The following MYL7 variants were observed in gnomAD, a reference collection of about 807,000 sequenced individuals.
MYL7 encodes myosin regulatory light chain 2, atrial isoform.
In MYL7, 27 loss-of-function variants were observed where a neutral mutation model predicts 22.5. The observed-to-expected ratio is 1.20, with a 90% CI of 0.89 to 1.66. MYL7 has a LOEUF of 1.66. Ranked by LOEUF, MYL7 falls within the 40% of genes most tolerant of loss-of-function variation. MYL7 has a pLI of 0.00. For synonymous variants in MYL7, 81 were observed against 84.4 expected (o/e 0.96, Z 0.22); for missense variants, 209 against 226.8 (o/e 0.92, Z 0.50).
Position 44,140,782 on chromosome 7 carries a change from G to A in MYL7, c.123C>T (p.Phe41=). 6.2e-7 allele frequency: 1 copy of A among 1,613,104 alleles called. No homozygotes were observed. Among genetic ancestry groups the A allele is most frequent in the Non-Finnish European group, 8.5e-7 (1 of 1,179,696 alleles). Residue 41 remains phenylalanine, a synonymous_variant, in exon 3 of 7, where the codon TTC becomes TTT. Transcript: ENST00000223364. The stretch of plus-strand genomic sequence containing the variant: ...CATCACGATTCTGGTCGATACAGCT[G>A]AAGGCCTGTGGGATGGGGGCCTTCA... ...QAQIQEFKEA[F]SCIDQNRDGI...
Position 44,139,826 on chromosome 7 carries a change from G to A in MYL7, c.333C>T (p.Phe111=), listed in dbSNP as rs1246008588. The part of the protein sequence containing the change: ...TDPEEAILSA[F]RMFDPSGKGV... The stretch of plus-strand genomic sequence containing the variant: ...CTTTGCCGCTGGGGTCAAACATGCG[G>A]AAGGCACTCAGGATGGCTTCCTCGG... Residue 111 remains phenylalanine (F), a synonymous_variant, in exon 5 of 7, where the codon TTC becomes TTT. Coordinates refer to ENST00000223364, the MANE Select transcript of MYL7 (RefSeq NM_021223.3). The A allele has an allele frequency of 1.2e-6, 2 of 1,611,794 alleles. No homozygotes were observed. The highest frequency in any genetic ancestry group is 2.2e-5 in the South Asian group (2 of 90,870).
At chr7:44,139,495 G>T (rs768518582) in intron 6 of MYL7, 26 bp downstream of exon 6, 5 of 1,613,334 alleles carry the variant, frequency 3.1e-6, no homozygotes, top group Non-Finnish European at 4.2e-6. Context: ...CTGGGGATGA[G>T]TATTGAAGGG....
chr7:44,139,505 G>A lies in MYL7; in HGVS notation c.426+16C>T. On this transcript the variant is annotated intron_variant, in intron 6 of 6. Coordinates refer to ENST00000223364, the MANE Select transcript of MYL7 (RefSeq NM_021223.3). ...AGGTGCTGGGGATGAGTATTGAAGGGGCTGGGCAGCCTCACCTCAGCTGGA... is the reference window on the plus strand; with the variant it reads ...AGGTGCTGGGGATGAGTATTGAAGGAGCTGGGCAGCCTCACCTCAGCTGGA... 1 of 1,613,668 alleles carries A rather than the reference G, an allele frequency of 6.2e-7. No individual in the cohort carries two copies. Among genetic ancestry groups the A allele is most frequent in the East Asian group, 2.2e-5 (1 of 44,886 alleles).
chr7:44,140,686 G>A lies in MYL7; in HGVS notation c.193+26C>T, dbSNP rs376908300. The A allele has an allele frequency of 8.0e-5, 126 of 1,577,980 alleles. 1 individual carries two copies. The highest frequency in any genetic ancestry group is 7.7e-5 in the Non-Finnish European group (90 of 1,162,656). On this transcript the variant is annotated intron_variant, in intron 3 of 6. Transcript: ENST00000223364. ...CAGCTCAGAGTAGGGACCCCAGTGC[G>A]CAGGGTGGGAGGTGGGTGCACGCAC...
Position 44,138,895 on chromosome 7 carries a change from C to T in MYL7, c.*26G>A, listed in dbSNP as rs369581358. 12 of 1,569,212 alleles carry T rather than the reference C, an allele frequency of 7.6e-6. No individual in the cohort carries two copies. The highest frequency in any genetic ancestry group is 5.0e-5 in the Admixed American group (3 of 59,798). On this transcript the variant is annotated 3_prime_UTR_variant, in exon 7 of 7. Coordinates refer to ENST00000223364, the MANE Select transcript of MYL7 (RefSeq NM_021223.3). ...TTTTGCAACAGAGTTTATTGAGGTG[C>T]CCCCCCGTGGGCCTGGCCCTGCCCC...
chr7:44,140,305 G>C lies in MYL7; in HGVS notation c.298+18C>G. The C allele has an allele frequency of 6.2e-7, 1 of 1,609,052 alleles. No individual in the cohort carries two copies. The highest frequency in any genetic ancestry group is 8.5e-7 in the Non-Finnish European group (1 of 1,175,732). The stretch of plus-strand genomic sequence containing the variant: ...CTCCCTGCCTGGCCAAGGGTGCCCA[G>C]CTCTGTCCCAGGCTCACCATTGAGC... On this transcript the variant is annotated intron_variant, in intron 4 of 6. Coordinates refer to ENST00000223364, the MANE Select transcript of MYL7 (RefSeq NM_021223.3).
intron 6 of MYL7, chr7:44,139,310 T>G: frequency 2.8e-6 from 2 of 703,448 alleles, no homozygotes; most frequent in African/African-American, 1.7e-5. Context: ...TCCCCCCAGG[T>G]CTGTGCACAG....
intron 2 of MYL7, 29 bp downstream of exon 2, chr7:44,140,932 A>G (rs753601016): frequency 1.2e-6 from 2 of 1,600,008 alleles, no homozygotes; most frequent in Non-Finnish European, 1.7e-6. Flanking sequence ...CCAGGATGGG[A>G]TCTGAGGCTA....
In MYL7 at chr7:44,138,901, C is replaced by G. The variant is rs772856869; in HGVS notation, c.*20G>C. The G allele has an allele frequency of 8.7e-6, 14 of 1,601,916 alleles. No homozygotes were observed. In the South Asian group the frequency reaches 1.2e-4, roughly 14 times the overall value. On this transcript the variant is annotated 3_prime_UTR_variant, in exon 7 of 7. Coordinates refer to ENST00000223364, the MANE Select transcript of MYL7 (RefSeq NM_021223.3). ...AACAGAGTTTATTGAGGTGCCCCCC[C>G]GTGGGCCTGGCCCTGCCCCTCATTC...
At position 44,139,002 on chromosome 7, in the gene MYL7, C is replaced by T; in HGVS notation, c.447G>A (p.Leu149=). ...TGTTCCCCGCCAGGTCCATGGGTGTCAGGGCGAACATCTGCTCCACCTGCA... is the reference window on the plus strand; with the variant it reads ...TGTTCCCCGCCAGGTCCATGGGTGTTAGGGCGAACATCTGCTCCACCTGCA... ...SPAEVEQMFA[L]TPMDLAGNID... is the part of the protein sequence containing the mutation. The change falls in exon 7 of 7, where the codon CTG becomes CTA. Residue 149 remains leucine, a synonymous_variant. Transcript: ENST00000223364. 6.2e-7 allele frequency: 1 copy of T among 1,614,086 alleles called. No homozygotes were observed. Among genetic ancestry groups the T allele is most frequent in the Non-Finnish European group, 8.5e-7 (1 of 1,179,964 alleles).
chr7:44,139,649 C>T (rs545369794), intron 5 of MYL7, 80 bp from the exon 6 acceptor site: 27 of 1,570,086 alleles, frequency 1.7e-5, no homozygotes, highest in East Asian at 4.5e-5. Flanking sequence ...GCTCCCATGG[C>T]GCAGGGAAGG....
At position 44,139,551 on chromosome 7, in the gene MYL7, CAGG is replaced by C. The variant is rs1303336172; in HGVS notation, c.393_395del (p.Leu132del). 1 of 1,610,042 alleles carries C rather than the reference CAGG, an allele frequency of 6.2e-7. No individual in the cohort carries two copies. The highest frequency in any genetic ancestry group is 1.7e-5 in the Admixed American group (1 of 59,512). On this transcript the variant is annotated inframe_deletion, in exon 6 of 7. Transcript: ENST00000223364. ...CTGGAGAGAACTTGTCTGCCTGGGT[CAGG>C]AGAAGCTGCTTGAACCTGGGGGGTG...
Position 44,140,387 on chromosome 7 carries a change from C to A in MYL7, c.234G>T (p.Leu78=), listed in dbSNP as rs1483004066. 2 of 1,613,824 alleles carry A rather than the reference C, an allele frequency of 1.2e-6. No homozygotes were observed. The highest frequency in any genetic ancestry group is 2.7e-5 in the African/African-American group (2 of 74,878). Residue 78 remains leucine (L), a synonymous_variant, in exon 4 of 7, where the codon CTG becomes CTT. Transcript: ENST00000223364. ...SVPEEELDAM[L]QEGKGPINFT... ...AGTTGATGGGGCCCTTGCCCTCTTGCAGCATGGCGTCCAGCTCCTCCTCTG... is the reference window on the plus strand; with the variant it reads ...AGTTGATGGGGCCCTTGCCCTCTTGAAGCATGGCGTCCAGCTCCTCCTCTG...
intron 4 of MYL7, 56 bp downstream of exon 4, chr7:44,140,267 G>C: frequency 6.8e-7 from 1 of 1,469,654 alleles, no homozygotes; most frequent in Non-Finnish European, 9.5e-7. Context: ...GTGGGGTTCA[G>C]GCAGGGTGCA....
intron 6 of MYL7, chr7:44,139,303 C>T (rs1020405777): frequency 1.2e-5 from 8 of 693,506 alleles, no homozygotes; most frequent in Non-Finnish European, 2.1e-5. Flanking sequence ...ATCCACTTCC[C>T]CCCAGGTCTG....
At position 44,138,892 on chromosome 7, in the gene MYL7, G is replaced by T; in HGVS notation, c.*29C>A. 1 of 1,577,104 alleles carries T rather than the reference G, an allele frequency of 6.3e-7. No homozygotes were observed. The highest frequency in any genetic ancestry group is 8.7e-7 in the Non-Finnish European group (1 of 1,146,428). On this transcript the variant is annotated 3_prime_UTR_variant, in exon 7 of 7. Transcript: ENST00000223364. ...CAATTTTGCAACAGAGTTTATTGAG[G>T]TGCCCCCCCGTGGGCCTGGCCCTGC...
At position 44,140,399 on chromosome 7, in the gene MYL7, C is replaced by G; in HGVS notation, c.222G>C (p.Leu74=). Residue 74 remains leucine (L), a synonymous_variant, in exon 4 of 7, where the codon CTG becomes CTC. Transcript: ENST00000223364. ...LGKVSVPEEE[L]DAMLQEGKGP... is the part of the protein sequence containing the mutation. ...CCTTGCCCTCTTGCAGCATGGCGTC[C>G]AGCTCCTCCTCTGGGACACTCACCT... 1 of 1,613,934 alleles carries G rather than the reference C, an allele frequency of 6.2e-7. No individual in the cohort carries two copies. Among genetic ancestry groups the G allele is most frequent in the Non-Finnish European group, 8.5e-7 (1 of 1,179,966 alleles).
intron 3 of MYL7, 44 bp downstream of exon 3, chr7:44,140,668 G>C: frequency 1.3e-6 from 2 of 1,554,394 alleles, no homozygotes; most frequent in South Asian, 1.2e-5. Context: ...CAGCAGCTCA[G>C]AGTAGGGACC....
Position 44,139,506 on chromosome 7 carries a change from G to C in MYL7, c.426+15C>G. On this transcript the variant is annotated intron_variant, in intron 6 of 6. Transcript: ENST00000223364. ...GGTGCTGGGGATGAGTATTGAAGGGGCTGGGCAGCCTCACCTCAGCTGGAG... is the reference window on the plus strand; with the variant it reads ...GGTGCTGGGGATGAGTATTGAAGGGCCTGGGCAGCCTCACCTCAGCTGGAG... The C allele has an allele frequency of 6.2e-7, 1 of 1,613,696 alleles. No homozygotes were observed.
Sources: allele counts gnomAD v4.1 joint callset, GRCh38; gene constraint gnomAD v4.1.1; transcripts MANE v1.5; gene names NCBI Gene and HGNC (gene_info 2026-07-23, HGNC 2026-07-21).